The following CACNA1E variants were observed in gnomAD, a reference collection of about 807,000 sequenced individuals.
The protein encoded by CACNA1E is calcium voltage-gated channel subunit alpha1 E.
Under a neutral mutation model 259.2 loss-of-function variants are expected in CACNA1E, and 40 were observed. The observed-to-expected ratio is 0.15, with a 90% CI of 0.12 to 0.20. The LOEUF is 0.20. Among genes scored for constraint, CACNA1E ranks in the 10% least tolerant of loss-of-function variants. The pLI, the probability that CACNA1E is intolerant of heterozygous loss-of-function variation, is 1.00. For synonymous variants in CACNA1E, 1,104 were observed against 1,138.5 expected (o/e 0.97, Z 0.61); for missense variants, 1,874 against 3,040.1 (o/e 0.62, Z 9.02).
chr1:181,361,095 C>T (rs1653857004), intron 1 of CACNA1E, among the ~76,000 whole-genome samples: 1 of 152,184 alleles, frequency 6.6e-6, no homozygotes, highest in African/African-American at 2.4e-5. Flanking sequence ...CACCACTCAC[C>T]ACTCTGAGAG....
chr1:181,714,058 C>T (rs1056087755), intron 8 of CACNA1E, among the ~76,000 whole-genome samples: 14 of 152,100 alleles, frequency 9.2e-5, no homozygotes, highest in African/African-American at 3.1e-4. Context: ...AATTCTAACA[C>T]GAAATACTAC....
intron 6 of CACNA1E, among the ~76,000 whole-genome samples, chr1:181,628,116 T>G (rs1446553406): frequency 6.6e-6 from 1 of 152,224 alleles, no homozygotes; most frequent in East Asian, 1.9e-4. Context: ...TCAATGTCGA[T>G]AACCTTTGGA....
chr1:181,777,048 G>T (rs1660034510), intron 38 of CACNA1E, among the ~76,000 whole-genome samples: 2 of 152,196 alleles, frequency 1.3e-5, no homozygotes, highest in Admixed American at 1.3e-4. Flanking sequence ...AGAAATATTA[G>T]GTTGGAGCAA....
intron 1 of CACNA1E, among the ~76,000 whole-genome samples, chr1:181,322,653 T>C (rs1196421943): frequency 1.3e-5 from 2 of 152,198 alleles, no homozygotes; most frequent in Non-Finnish European, 1.5e-5. Flanking sequence ...TGGGGGTAAC[T>C]GCACTGAATG....
At chr1:181,632,061 C>T (rs1275597013) in intron 6 of CACNA1E, among the ~76,000 whole-genome samples, 1 of 152,132 alleles carries the variant, frequency 6.6e-6, no homozygotes, top group Non-Finnish European at 1.5e-5. Flanking sequence ...AGTGTAGCCC[C>T]AAAGACTTCA....
intron 2 of CACNA1E, among the ~76,000 whole-genome samples, chr1:181,450,749 C>A (rs1444441638): frequency 6.6e-6 from 1 of 152,066 alleles, no homozygotes; most frequent in Non-Finnish European, 1.5e-5. Flanking sequence ...GTTTCATGAT[C>A]AAATTTGGCT....
intron 7 of CACNA1E, among the ~76,000 whole-genome samples, chr1:181,673,305 G>A (rs1649004888): frequency 6.6e-6 from 1 of 152,158 alleles, no homozygotes; most frequent in African/African-American, 2.4e-5. Flanking sequence ...GGGCTGCCCT[G>A]TTTGTGGACT....
At chr1:181,626,206 T>C (rs561453223) in intron 6 of CACNA1E, among the ~76,000 whole-genome samples, 1 of 152,182 alleles carries the variant, frequency 6.6e-6, no homozygotes, top group Non-Finnish European at 1.5e-5. Flanking sequence ...ATTATCAAAA[T>C]GTGACACAGA....
chr1:181,720,030 CA>C (rs1654280218), intron 13 of CACNA1E, among the ~76,000 whole-genome samples, 167 bp downstream of exon 13: 1 of 152,078 alleles, frequency 6.6e-6, no homozygotes, highest in Non-Finnish European at 1.5e-5. Context: ...AAGATTAAAC[CA>C]AAAATATCTA....
chr1:181,477,662 C>T lies in CACNA1E; in HGVS notation c.435-6082C>T, dbSNP rs552396292. 1.5e-3 allele frequency among the ~76,000 whole-genome samples: 221 copies of T among 152,230 alleles called. 2 individuals carry two copies. Among genetic ancestry groups the T allele is most frequent in the Non-Finnish European group, 2.5e-3 (173 of 68,008 alleles). On this transcript the variant is annotated intron_variant, in intron 2 of 11. Transcript: ENST00000524607. ...TGTCTCTGCTCCTCTGTCCATCCCC[C>T]GCACAACAGAGTGTGTTCATCCCTG...
chr1:181,785,158 C>A (rs925413492), intron 41 of CACNA1E, among the ~76,000 whole-genome samples, 160 bp from the exon 42 acceptor site: 2 of 152,156 alleles, frequency 1.3e-5, no homozygotes, highest in African/African-American at 4.8e-5. Flanking sequence ...ACTCTGCATC[C>A]TCAGATCCTG....
intron 1 of CACNA1E, among the ~76,000 whole-genome samples, chr1:181,359,610 G>A (rs1653712600): frequency 6.6e-6 from 1 of 152,086 alleles, no homozygotes; most frequent in African/African-American, 2.4e-5. Context: ...ATACTCTATG[G>A]CTCTGTGCTT....
At chr1:181,331,504 C>T (rs1227682879) in intron 1 of CACNA1E, among the ~76,000 whole-genome samples, 1 of 152,090 alleles carries the variant, frequency 6.6e-6, no homozygotes, top group Non-Finnish European at 1.5e-5. Flanking sequence ...AGGGTCTTTC[C>T]TCTGTTTTTG....
chr1:181,679,293 G>A (rs2102250154), intron 7 of CACNA1E, among the ~76,000 whole-genome samples: 1 of 152,320 alleles, frequency 6.6e-6, no homozygotes, highest in African/African-American at 2.4e-5. Context: ...ATGGTGGAAT[G>A]TGAACTGCAG....
chr1:181,770,868 A>C (rs1659442429), intron 35 of CACNA1E, among the ~76,000 whole-genome samples: 1 of 152,166 alleles, frequency 6.6e-6, no homozygotes, highest in South Asian at 2.1e-4. Flanking sequence ...GCAAATCTGA[A>C]TGCTCCCATC....
intron 1 of CACNA1E, among the ~76,000 whole-genome samples, chr1:181,489,476 G>A (rs1265777903): frequency 2.0e-5 from 3 of 152,154 alleles, no homozygotes; most frequent in African/African-American, 7.2e-5. Context: ...TTTGTTTTCT[G>A]CAGTGGGACT....
chr1:181,574,506 A>G (rs1650746771), intron 3 of CACNA1E, among the ~76,000 whole-genome samples: 1 of 152,142 alleles, frequency 6.6e-6, no homozygotes, highest in East Asian at 1.9e-4. Flanking sequence ...TTCAAGTTCA[A>G]TTCATCAAGC....
chr1:181,507,948 A>T (rs1056087076), intron 1 of CACNA1E, among the ~76,000 whole-genome samples: 1 of 152,172 alleles, frequency 6.6e-6, no homozygotes, highest in African/African-American at 2.4e-5. Context: ...AGGGGATGAC[A>T]TGGAAGAGGC....
intron 17 of CACNA1E, among the ~76,000 whole-genome samples, chr1:181,725,771 T>C (rs906124285): frequency 6.6e-6 from 1 of 152,332 alleles, no homozygotes; most frequent in African/African-American, 2.4e-5. Context: ...CACTGAGGGC[T>C]AGGGGTTGGG....
Sources: gnomAD v4.1 joint callset for allele counts (sites outside exome capture counted in the v4.1 genomes callset) on GRCh38, gnomAD v4.1.1 for gene constraint, MANE v1.5 for transcripts, NCBI Gene and HGNC (gene_info 2026-07-23, HGNC 2026-07-21) for gene names.